Variants in ZFHX3 observed in about 807,000 individuals in gnomAD.
The protein encoded by ZFHX3 is zinc finger homeobox protein 3.
A neutral mutation model predicts 279.1 loss-of-function variants in ZFHX3; 42 were observed. That is an observed-to-expected ratio of 0.15 (90% CI 0.12 to 0.19). The LOEUF (loss-of-function observed/expected upper bound fraction) is 0.19, where lower values mean the gene tolerates loss of function less well. ZFHX3 is among the 10% of genes least tolerant of loss of function. ZFHX3 has a pLI of 1.00. For missense variants in ZFHX3, 4,981 were observed against 4,754.0 expected (o/e 1.05, Z -1.40); for synonymous variants, 2,293 against 1,957.8 (o/e 1.17, Z -4.52).
intron 5 of ZFHX3, among the ~76,000 whole-genome samples, chr16:73,252,624 C>T (rs1249618979): frequency 6.6e-6 from 1 of 152,044 alleles, no homozygotes; most frequent in African/African-American, 2.4e-5. Context: ...GCTTCAAAAG[C>T]TCAGGGTGGG....
chr16:73,799,873 G>A (rs993594227), intron 1 of ZFHX3, among the ~76,000 whole-genome samples: 2 of 151,850 alleles, frequency 1.3e-5, no homozygotes, highest in Non-Finnish European at 2.9e-5. Context: ...ACGCACATAG[G>A]ATGCACATAA....
At chr16:73,019,319 A>C (rs1964212682) in intron 1 of ZFHX3, among the ~76,000 whole-genome samples, 1 of 135,954 alleles carries the variant, frequency 7.4e-6, no homozygotes, top group Non-Finnish European at 1.6e-5. Flanking sequence ...ATCCTCCACC[A>C]GCGTGTGCGT....
intron 3 of ZFHX3, among the ~76,000 whole-genome samples, chr16:72,902,779 C>T (rs528636488): frequency 1.3e-5 from 2 of 151,906 alleles, no homozygotes. Context: ...AAGGGGCTGA[C>T]GGGGGGCTGA....
chr16:73,071,096 T>C, intron 8 of ZFHX3, among the ~76,000 whole-genome samples: 1 of 126,524 alleles, frequency 7.9e-6, no homozygotes, highest in Non-Finnish European at 1.6e-5. Context: ...ACACCTTTCC[T>C]CTTTCTCTCT....
In ZFHX3 at chr16:72,957,939, G is replaced by A; in HGVS notation, c.2207C>T (p.Thr736Ile). 5 of 1,614,202 alleles carry A rather than the reference G, an allele frequency of 3.1e-6. No homozygotes were observed. The highest frequency in any genetic ancestry group is 4.2e-6 in the Non-Finnish European group (5 of 1,180,046). Residue 736 changes from threonine (T) to isoleucine (I), a missense_variant, in exon 2 of 10, where the codon ACT becomes ATT. Physicochemically the swap from Thr to Ile is moderately conservative, Grantham distance 89. Around this residue, in one of 7 missense-constraint regions of ZFHX3, gnomAD observed 39 missense variants for 68.2 expected, o/e 0.57. Coordinates refer to ENST00000268489, the MANE Select transcript of ZFHX3 (RefSeq NM_006885.4). ...FRCEVCNYSTTTKGNLSIHMQ... is the reference protein window; with the variant it reads ...FRCEVCNYSTITKGNLSIHMQ... Reference sequence around the variant, plus strand: ...ATGAATACTGAGGTTGCCTTTGGTAGTTGTGGAGTAGTTACACACCTCGCA... The same window carrying A: ...ATGAATACTGAGGTTGCCTTTGGTAATTGTGGAGTAGTTACACACCTCGCA...
intron 4 of ZFHX3, among the ~76,000 whole-genome samples, chr16:72,875,172 G>C (rs528524721): frequency 6.6e-6 from 1 of 152,322 alleles, no homozygotes; most frequent in Admixed American, 6.5e-5. Flanking sequence ...AACTCCCATA[G>C]AGAATTCCCA....
intron 5 of ZFHX3, among the ~76,000 whole-genome samples, chr16:73,193,221 G>A (rs1391036201): frequency 6.6e-6 from 1 of 152,164 alleles, no homozygotes; most frequent in Non-Finnish European, 1.5e-5. Flanking sequence ...GAAGATGTGG[G>A]TCCTATTCAC....
chr16:73,338,854 C>T (rs375767828), intron 3 of ZFHX3, among the ~76,000 whole-genome samples: 12 of 152,218 alleles, frequency 7.9e-5, no homozygotes, highest in South Asian at 2.1e-4. Context: ...TAGCACCATC[C>T]GCTTGGTGCT....
chr16:73,302,801 T>A (rs570736073), intron 4 of ZFHX3, among the ~76,000 whole-genome samples: 1 of 152,262 alleles, frequency 6.6e-6, no homozygotes, highest in East Asian at 1.9e-4. Context: ...CTCCTTGCTG[T>A]GGAGAAGTCA....
At chr16:72,885,813 C>G (rs1259864136) in intron 4 of ZFHX3, among the ~76,000 whole-genome samples, 3 of 152,192 alleles carry the variant, frequency 2.0e-5, no homozygotes, top group African/African-American at 7.2e-5. Context: ...AAAGCCAGAA[C>G]TTCCAACTCT....
At chr16:73,854,576 A>C (rs1961671677) in intron 1 of ZFHX3, among the ~76,000 whole-genome samples, 2 of 152,088 alleles carry the variant, frequency 1.3e-5, no homozygotes, top group African/African-American at 4.8e-5. Flanking sequence ...AAGATGGCTA[A>C]AAGAATGAAT....
chr16:73,585,200 G>A (rs758898421), intron 2 of ZFHX3, among the ~76,000 whole-genome samples: 9 of 152,134 alleles, frequency 5.9e-5, no homozygotes, highest in Admixed American at 3.9e-4. Flanking sequence ...GGCGGATCAC[G>A]AGGTCAAGAG....
At chr16:72,914,340 A>G (rs1483862820) in intron 3 of ZFHX3, among the ~76,000 whole-genome samples, 2 of 152,300 alleles carry the variant, frequency 1.3e-5, no homozygotes, top group South Asian at 2.1e-4. Context: ...CTCCCTCTCT[A>G]CAAACAGGTA....
intron 3 of ZFHX3, among the ~76,000 whole-genome samples, chr16:73,415,446 A>G (rs572894933): frequency 1.2e-4 from 18 of 152,238 alleles, no homozygotes; most frequent in Non-Finnish European, 1.8e-4. Flanking sequence ...AAGTAATGAA[A>G]CAGATGGTGG....
chr16:72,803,793 A>T (rs542025410), intron 7 of ZFHX3, among the ~76,000 whole-genome samples: 24 of 152,344 alleles, frequency 1.6e-4, no homozygotes, highest in African/African-American at 5.5e-4. Flanking sequence ...AAGTAATGAG[A>T]AGACAAAAGT....
At chr16:73,632,241 G>A (rs898269501) in intron 2 of ZFHX3, among the ~76,000 whole-genome samples, 24 of 152,038 alleles carry the variant, frequency 1.6e-4, no homozygotes, top group Admixed American at 6.5e-5. Context: ...AATAATAAAT[G>A]GTTCTTACCC....
intron 3 of ZFHX3, among the ~76,000 whole-genome samples, chr16:73,444,955 TAA>T (rs56235953): frequency 0.18 from 12,638 of 68,614 alleles, 803 homozygotes; most frequent in East Asian, 0.37. Flanking sequence ...CCATCTATAC[TAA>T]AAAAAAAAAA....
intron 2 of ZFHX3, among the ~76,000 whole-genome samples, chr16:73,534,964 G>C (rs1013855776): frequency 2.0e-5 from 3 of 152,068 alleles, no homozygotes; most frequent in African/African-American, 7.2e-5. Flanking sequence ...GGGAGAGGAA[G>C]CAGGCCCCAT....
At chr16:73,734,707 T>C (rs544409317) in intron 1 of ZFHX3, among the ~76,000 whole-genome samples, 233 of 152,188 alleles carry the variant, frequency 1.5e-3, no homozygotes, top group Non-Finnish European at 1.4e-3. Flanking sequence ...TATGAAACTA[T>C]GAAAAACGTA....
Sources: gnomAD v4.1 joint callset for allele counts (sites outside exome capture counted in the v4.1 genomes callset) on GRCh38, gnomAD v4.1.1 for gene constraint, gnomAD v4.1.1 regional missense constraint, MANE v1.5 for transcripts, NCBI Gene and HGNC (gene_info 2026-07-23, HGNC 2026-07-21) for gene names.